CFAP20DC: variants seen among roughly 807,000 people sequenced by gnomAD.
CFAP20DC encodes the protein protein CFAP20DC.
Under a neutral mutation model 101.7 loss-of-function variants are expected in CFAP20DC, and 84 were observed. That is an observed-to-expected ratio of 0.83 (90% confidence interval 0.69 to 0.99). CFAP20DC has a LOEUF of 0.99. CFAP20DC is among the 50% of genes least tolerant of loss of function. The probability of loss-of-function intolerance (pLI) is 0.00; values close to 1 mark genes in which losing one functional copy is unlikely to be tolerated. For missense variants in CFAP20DC, 1,007 were observed against 970.3 expected (o/e 1.04, Z -0.50); for synonymous variants, 359 against 351.2 (o/e 1.02, Z -0.25).
At chr3:58,936,098 C>T (rs2087554866) in intron 5 of CFAP20DC, among the ~76,000 whole-genome samples, 1 of 152,040 alleles carries the variant, frequency 6.6e-6, no homozygotes, top group African/African-American at 2.4e-5. Flanking sequence ...ACAACCCCAT[C>T]AAAAAGTGGG....
chr3:58,836,410 TAATC>T (rs1360999397), intron 13 of CFAP20DC, among the ~76,000 whole-genome samples: 1 of 152,150 alleles, frequency 6.6e-6, no homozygotes, highest in East Asian at 1.9e-4. Context: ...CAGAATAGTT[TAATC>T]AATCAAACAT....
chr3:58,988,115 T>C (rs2092812586), intron 4 of CFAP20DC, among the ~76,000 whole-genome samples: 1 of 152,088 alleles, frequency 6.6e-6, no homozygotes, highest in African/African-American at 2.4e-5. Flanking sequence ...CAACAGAGGT[T>C]ATGGTCAAGA....
intron 12 of CFAP20DC, among the ~76,000 whole-genome samples, chr3:58,860,447 C>T (rs1227313575): frequency 1.3e-5 from 2 of 152,150 alleles, no homozygotes; most frequent in Non-Finnish European, 2.9e-5. Flanking sequence ...CAAAAGCCTT[C>T]CGGCTAATCT....
chr3:59,032,511 G>T (rs960862131), intron 4 of CFAP20DC, among the ~76,000 whole-genome samples: 4 of 152,136 alleles, frequency 2.6e-5, no homozygotes, highest in Non-Finnish European at 5.9e-5. Flanking sequence ...AGCTTGGTGG[G>T]GGGAGGGGCA....
At chr3:58,796,300 T>C (rs750706787) in intron 15 of CFAP20DC, among the ~76,000 whole-genome samples, 4 of 152,108 alleles carry the variant, frequency 2.6e-5, no homozygotes, top group Non-Finnish European at 5.9e-5. Context: ...ATGGGAATAG[T>C]GCCCCCTGGA....
intron 4 of CFAP20DC, among the ~76,000 whole-genome samples, chr3:58,979,694 C>G (rs1308890800): frequency 6.6e-6 from 1 of 152,162 alleles, no homozygotes; most frequent in Non-Finnish European, 1.5e-5. Context: ...TACGAACTGG[C>G]TGAATTTAGC....
intron 15 of CFAP20DC, among the ~76,000 whole-genome samples, chr3:58,770,084 TA>T (rs1051800137): frequency 6.6e-5 from 10 of 152,230 alleles, no homozygotes; most frequent in African/African-American, 1.9e-4. Context: ...TCCCTCAGGT[TA>T]AGAAAATATT....
At chr3:58,807,284 G>A (rs2074167056) in intron 14 of CFAP20DC, among the ~76,000 whole-genome samples, 1 of 152,182 alleles carries the variant, frequency 6.6e-6, no homozygotes, top group Non-Finnish European at 1.5e-5. Context: ...CCTGACCCCT[G>A]ACCTCCAAGC....
rs150828956 is a variant in CFAP20DC, at chr3:58,987,991, G to A, written c.279-50229C>T. Among the ~76,000 whole-genome samples the A allele has an allele frequency of 7.6e-4, 116 of 151,946 alleles. 1 individual carries two copies. Among genetic ancestry groups the A allele is most frequent in the African/African-American group, 2.7e-3 (113 of 41,490 alleles). ...ATAATTTTATCATAAAACTATGTGAGGATGACTAGAAAAATTATAAAATAA... is the reference window on the plus strand; with the variant it reads ...ATAATTTTATCATAAAACTATGTGAAGATGACTAGAAAAATTATAAAATAA... On this transcript the variant is annotated intron_variant, in intron 4 of 16. Coordinates refer to ENST00000482387, the MANE Select transcript of CFAP20DC (RefSeq NM_001394063.1).
Position 58,863,283 on chromosome 3 carries a change from C to T in CFAP20DC, c.1593+275G>A, listed in dbSNP as rs186083313. ...CACTAAACTGCATATCGTTTCTCAT[C>T]CTGTGATTCAAAGATTAAAATGAAA... On this transcript the variant is annotated intron_variant, in intron 12 of 16. Transcript: ENST00000482387. The surrounding 1 kb of genome is among the most constrained non-coding windows in gnomAD (Gnocchi z 5.9). The T allele has an allele frequency of 1.3e-3, 1,892 of 1,406,532 alleles. 10 individuals are homozygous for T. The highest frequency in any genetic ancestry group is 9.4e-4 in the Non-Finnish European group (1,023 of 1,089,214). 87.1% of individuals were successfully genotyped at this position (1,406,532 alleles called of 1,614,324 possible). A position where few individuals can be genotyped will look rare whatever the true frequency, so the allele number is the denominator to read the frequency against.
chr3:58,784,075 T>C (rs1369185950), intron 15 of CFAP20DC, among the ~76,000 whole-genome samples: 2 of 151,662 alleles, frequency 1.3e-5, no homozygotes, highest in African/African-American at 4.8e-5. Flanking sequence ...AGCGCCTTAC[T>C]CTGTTGCCCA....
chr3:58,848,169 A>T (rs2077885694), intron 13 of CFAP20DC, among the ~76,000 whole-genome samples: 1 of 438 alleles, frequency 2.3e-3, no homozygotes, highest in East Asian at 0.5. Flanking sequence ...AAGTATAATT[A>T]AAAAAAAAAA....
chr3:58,998,524 T>C (rs925935414), intron 4 of CFAP20DC, among the ~76,000 whole-genome samples: 5 of 152,208 alleles, frequency 3.3e-5, no homozygotes, highest in African/African-American at 7.2e-5. Context: ...TAAGCTCTCA[T>C]GCCTATTAAC....
chr3:58,977,143 T>C (rs906772577), intron 4 of CFAP20DC, among the ~76,000 whole-genome samples: 1 of 152,228 alleles, frequency 6.6e-6, no homozygotes, highest in Admixed American at 6.5e-5. Flanking sequence ...GGTTCTGTTA[T>C]AGGTTGTTTT....
intron 15 of CFAP20DC, among the ~76,000 whole-genome samples, chr3:58,775,119 T>A (rs1575607704): frequency 6.6e-6 from 1 of 152,216 alleles, no homozygotes; most frequent in East Asian, 1.9e-4. Context: ...GGGCACAGCT[T>A]GGTTTTATAC....
intron 6 of CFAP20DC, among the ~76,000 whole-genome samples, chr3:58,900,192 A>T (rs1168521345): frequency 2.7e-4 from 41 of 152,230 alleles, no homozygotes. Context: ...CTAGGAACTG[A>T]GATAAAGTTC....
chr3:58,849,490 T>C, intron 12 of CFAP20DC, 81 bp from the exon 13 acceptor site: 1 of 1,068,706 alleles, frequency 9.4e-7, no homozygotes, highest in East Asian at 2.6e-5. Context: ...TCTTAATAAA[T>C]TCATATTTTC....
chr3:58,961,511 G>A (rs1382701316), intron 4 of CFAP20DC, among the ~76,000 whole-genome samples: 10 of 152,036 alleles, frequency 6.6e-5, no homozygotes, highest in Non-Finnish European at 7.4e-5. Flanking sequence ...CGAAGATCAC[G>A]CCACTGCACT....
At chr3:58,800,707 G>C (rs2073625102) in intron 15 of CFAP20DC, among the ~76,000 whole-genome samples, 1 of 152,110 alleles carries the variant, frequency 6.6e-6, no homozygotes, top group East Asian at 1.9e-4. Context: ...ATGGATCTTT[G>C]CATCAGCAGG....
Sources: allele counts gnomAD v4.1 joint callset (sites outside exome capture counted in the v4.1 genomes callset), GRCh38; gene constraint gnomAD v4.1.1; non-coding constraint Gnocchi (gnomAD v3.1); transcripts MANE v1.5; gene names NCBI Gene and HGNC (gene_info 2026-07-23, HGNC 2026-07-21).